Variants in SHANK2 observed in about 807,000 individuals in gnomAD.
SHANK2 encodes the protein SH3 and multiple ankyrin repeat domains protein 2.
In SHANK2, 43 loss-of-function variants were observed where a neutral mutation model predicts 133.7. That is an observed-to-expected ratio of 0.32 (90% CI 0.25 to 0.41). The LOEUF is 0.41. SHANK2 is among the 10% of genes least tolerant of loss of function. The pLI is 1.00. For synonymous variants in SHANK2, 1,017 were observed against 952.8 expected (o/e 1.07, Z -1.24); for missense variants, 1,994 against 2,235.8 (o/e 0.89, Z 2.18).
At chr11:70,599,407 A>T (rs1554990241) in intron 17 of SHANK2, among the ~76,000 whole-genome samples, 6 of 145,372 alleles carry the variant, frequency 4.1e-5, no homozygotes, top group Non-Finnish European at 6.1e-5. Context: ...GGAGATCGAG[A>T]CCATCCTGGC....
rs557121637 is a variant in SHANK2 at position 70,485,855 on chromosome 11, G to T, written c.4438C>A (p.Pro1480Thr). The change falls in exon 25 of 26, where the codon CCT (proline) becomes ACT (threonine). Residue 1480 changes from proline to threonine, a missense_variant. Coordinates refer to ENST00000601538, the MANE Select transcript of SHANK2 (RefSeq NM_012309.5). This position sits in a 1 kb window ranked among gnomAD's most constrained non-coding sequence, Gnocchi z 5.8. Reference protein sequence around the residue: ...NCLPASFLPPPESFDAVADSG... With the variant: ...NCLPASFLPPTESFDAVADSG... ...TCGGCGACGGCGTCAAAGCTTTCAG[G>T]GGGTGGCAGGAATGAGGCAGGCAGA... 293 of 1,614,094 alleles carry T rather than the reference G, an allele frequency of 1.8e-4. 2 individuals are homozygous for T. In the East Asian group the frequency reaches 5.6e-3, roughly 31 times the overall value.
chr11:70,793,387 G>A, intron 14 of SHANK2, among the ~76,000 whole-genome samples: 1 of 152,200 alleles, frequency 6.6e-6, no homozygotes, highest in South Asian at 2.1e-4. Context: ...TATACTGAGA[G>A]ATGACTGTAG....
intron 17 of SHANK2, among the ~76,000 whole-genome samples, chr11:70,520,254 T>C (rs763733427): frequency 6.6e-6 from 1 of 152,196 alleles, no homozygotes; most frequent in Non-Finnish European, 1.5e-5. Flanking sequence ...TTCGGATTTC[T>C]CTAATTTTTA....
chr11:70,804,185 G>A lies in SHANK2; in HGVS notation c.1663+2817C>T, dbSNP rs1293983032. Among the ~76,000 whole-genome samples the A allele has an allele frequency of 6.6e-6, 1 of 152,196 alleles. No homozygotes were observed. The highest frequency in any genetic ancestry group is 1.5e-5 in the Non-Finnish European group (1 of 68,038). On this transcript the variant is annotated intron_variant, in intron 13 of 25. Transcript: ENST00000601538. This position sits in a 1 kb window ranked among gnomAD's most constrained non-coding sequence, Gnocchi z 4.1. ...GCTGGGTTTCCTGCCCACAATGATT[G>A]TTCCCTTGATATCAAGGGGACAGAA...
chr11:70,918,521 G>T (rs2135751367), intron 10 of SHANK2, among the ~76,000 whole-genome samples: 1 of 152,004 alleles, frequency 6.6e-6, no homozygotes, highest in African/African-American at 2.4e-5. Context: ...TTATTTTTTT[G>T]AGACAGAGTG....
intron 3 of SHANK2, among the ~76,000 whole-genome samples, chr11:71,143,062 C>T (rs1193040042): frequency 3.9e-5 from 6 of 152,096 alleles, no homozygotes; most frequent in Admixed American, 1.3e-4. Context: ...GGTAAAACCC[C>T]GTCTCTACTA....
intron 14 of SHANK2, among the ~76,000 whole-genome samples, chr11:70,726,171 C>T (rs1161660918): frequency 6.6e-6 from 1 of 152,142 alleles, no homozygotes; most frequent in Admixed American, 6.5e-5. Flanking sequence ...TGAAATCTTA[C>T]CCGGAACCTA....
At chr11:70,584,429 C>G in intron 17 of SHANK2, among the ~76,000 whole-genome samples, 1 of 152,120 alleles carries the variant, frequency 6.6e-6, no homozygotes, top group Non-Finnish European at 1.5e-5. Flanking sequence ...CACCTGAGAG[C>G]TGGATTTTCA....
At chr11:71,101,305 A>G (rs1590912218) in intron 6 of SHANK2, among the ~76,000 whole-genome samples, 1 of 152,174 alleles carries the variant, frequency 6.6e-6, no homozygotes, top group East Asian at 1.9e-4. Context: ...TCCTTACTGA[A>G]GGCACGGCAC....
intron 17 of SHANK2, among the ~76,000 whole-genome samples, chr11:70,619,989 C>T (rs2060807884): frequency 6.6e-6 from 1 of 152,150 alleles, no homozygotes; most frequent in African/African-American, 2.4e-5. Context: ...CTTAGAAGGA[C>T]ACTTGAGGAC....
At chr11:70,705,667 G>GTCT (rs1945647981) in intron 14 of SHANK2, 1 of 152,196 alleles carries the variant, frequency 6.6e-6, no homozygotes, top group Non-Finnish European at 1.5e-5. Flanking sequence ...CCTTAACCAT[G>GTCT]GAGAAACTTC....
chr11:70,674,161 C>T (rs536001218), intron 15 of SHANK2, among the ~76,000 whole-genome samples: 37 of 152,294 alleles, frequency 2.4e-4, no homozygotes, highest in East Asian at 1.4e-3. Flanking sequence ...CTTAGCCTTC[C>T]GCCATGAGTG....
intron 2 of SHANK2, among the ~76,000 whole-genome samples, chr11:71,165,991 CACAG>C (rs1414800013): frequency 2.6e-5 from 4 of 152,182 alleles, no homozygotes; most frequent in Admixed American, 6.5e-5. Context: ...CCGCGTGCTG[CACAG>C]ACAGACGAAT....
intron 6 of SHANK2, 64 bp downstream of exon 6, chr11:71,109,877 C>T: frequency 2.1e-6 from 2 of 954,514 alleles, no homozygotes; most frequent in Non-Finnish European, 3.3e-6. Context: ...GTAGCCTGAG[C>T]AGTGGGCTGG....
intron 11 of SHANK2, among the ~76,000 whole-genome samples, chr11:70,846,669 T>A (rs1438519848): frequency 1.3e-5 from 2 of 152,156 alleles, no homozygotes; most frequent in African/African-American, 2.4e-5. Context: ...CCACCTCATC[T>A]CAGCACAGAA....
chr11:70,699,515 T>A (rs1004980530), intron 14 of SHANK2, among the ~76,000 whole-genome samples: 1 of 152,126 alleles, frequency 6.6e-6, no homozygotes, highest in African/African-American at 2.4e-5. Context: ...CTGCAAAACA[T>A]CCAAAGAAAT....
Position 70,926,063 on chromosome 11 carries a change from A to T in SHANK2, c.1108-29496T>A, listed in dbSNP as rs141060925. On this transcript the variant is annotated intron_variant, in intron 10 of 25. Transcript: ENST00000601538. Reference sequence around the variant, plus strand: ...TGAGGCAGGTGGATTGCTTGAACCCAGGAGTTTGAGACCAGCCTGGGCAAC... The same window carrying T: ...TGAGGCAGGTGGATTGCTTGAACCCTGGAGTTTGAGACCAGCCTGGGCAAC... Among the ~76,000 whole-genome samples, 576 of 152,200 alleles carry T rather than the reference A, an allele frequency of 3.8e-3. 19 individuals are homozygous for T. The highest frequency in any genetic ancestry group is 0.033 in the Admixed American group (501 of 15,284).
At chr11:71,131,605 G>A (rs1952309203) in intron 3 of SHANK2, among the ~76,000 whole-genome samples, 2 of 152,168 alleles carry the variant, frequency 1.3e-5, no homozygotes, top group Admixed American at 6.5e-5. Flanking sequence ...GCTTGGTTCT[G>A]CCAGTGGTCC....
Position 70,539,411 on chromosome 11 carries a change from C to T in SHANK2, c.2062-36480G>A, listed in dbSNP as rs116710386. 7.3e-3 allele frequency among the ~76,000 whole-genome samples: 1,107 copies of T among 151,946 alleles called. 11 individuals carry two copies. Among genetic ancestry groups the T allele is most frequent in the African/African-American group, 0.025 (1,017 of 41,476 alleles). On this transcript the variant is annotated intron_variant, in intron 17 of 25. Coordinates refer to ENST00000601538, the MANE Select transcript of SHANK2 (RefSeq NM_012309.5). ...CCCAAATGGGGGCCAGACTCCGAGT[C>T]GGGGTGCCCAACAGATCTGCGGGGG...
Sources: gnomAD v4.1 joint callset for allele counts (sites outside exome capture counted in the v4.1 genomes callset) on GRCh38, gnomAD v4.1.1 for gene constraint, Gnocchi (gnomAD v3.1) non-coding constraint, MANE v1.5 for transcripts, NCBI Gene and HGNC (gene_info 2026-07-23, HGNC 2026-07-21) for gene names.